The following GRIA1 variants were observed in gnomAD, a reference collection of about 807,000 sequenced individuals.
GRIA1 encodes glutamate ionotropic receptor AMPA type subunit 1.
In GRIA1, 31 loss-of-function variants were observed where a neutral mutation model predicts 99.2. The observed-to-expected ratio is 0.31, with a 90% CI of 0.23 to 0.42. The LOEUF is 0.42. GRIA1 is among the 10% of genes least tolerant of loss of function. GRIA1 has a pLI of 1.00. For synonymous variants in GRIA1, 438 were observed against 432.4 expected (o/e 1.01, Z -0.16); for missense variants, 782 against 1,157.5 (o/e 0.68, Z 4.71).
At chr5:153,558,272 C>T (rs940227333) in intron 2 of GRIA1, among the ~76,000 whole-genome samples, 6 of 152,062 alleles carry the variant, frequency 3.9e-5, no homozygotes, top group African/African-American at 1.4e-4. Flanking sequence ...AAAATTCACT[C>T]CTTTTATACA....
chr5:153,588,119 G>A (rs1287471939), intron 2 of GRIA1, among the ~76,000 whole-genome samples: 3 of 152,210 alleles, frequency 2.0e-5, no homozygotes, highest in Admixed American at 2.0e-4. Flanking sequence ...ATAGTGAAAA[G>A]CAGGTTGGTT....
intron 11 of GRIA1, among the ~76,000 whole-genome samples, chr5:153,709,600 G>A (rs1759165670): frequency 6.6e-6 from 1 of 152,166 alleles, no homozygotes; most frequent in Admixed American, 6.5e-5. Context: ...AGTGGCTTGT[G>A]GTGAAATCCA....
Position 153,531,699 on chromosome 5 carries a change from G to A in GRIA1, c.220+37634G>A, listed in dbSNP as rs191653612. 1.2e-4 allele frequency among the ~76,000 whole-genome samples: 19 copies of A among 152,278 alleles called. No homozygotes were observed. The East Asian group carries it at 3.5e-3, about 28-fold the overall frequency. On this transcript the variant is annotated intron_variant, in intron 2 of 15. Coordinates refer to ENST00000285900, the MANE Select transcript of GRIA1 (RefSeq NM_000827.4). Reference sequence around the variant, plus strand: ...GTTGGTGGGAATGTATTGAATAGAGGTAGTAGTCATGGTGTTTTGCAATAG... The same window carrying A: ...GTTGGTGGGAATGTATTGAATAGAGATAGTAGTCATGGTGTTTTGCAATAG...
intron 15 of GRIA1, among the ~76,000 whole-genome samples, chr5:153,807,475 A>T (rs1766515009): frequency 6.6e-6 from 1 of 152,352 alleles, no homozygotes; most frequent in South Asian, 2.1e-4. Context: ...AGAAACTGAT[A>T]TTTAACAGAT....
intron 2 of GRIA1, among the ~76,000 whole-genome samples, chr5:153,589,693 G>T (rs952774530): frequency 6.6e-6 from 1 of 152,158 alleles, no homozygotes; most frequent in African/African-American, 2.4e-5. Context: ...GTCCTTGCGT[G>T]CATCTGCATT....
chr5:153,738,051 C>A (rs1339377755), intron 11 of GRIA1, among the ~76,000 whole-genome samples: 2 of 152,158 alleles, frequency 1.3e-5, no homozygotes, highest in East Asian at 1.9e-4. Flanking sequence ...CAGGAGCAGG[C>A]CAGACCCAGC....
chr5:153,636,176 CT>C (rs1331098578), intron 2 of GRIA1, among the ~76,000 whole-genome samples: 1 of 152,186 alleles, frequency 6.6e-6, no homozygotes, highest in Non-Finnish European at 1.5e-5. Context: ...TGTGTCCATC[CT>C]TGCATGACCC....
chr5:153,535,733 C>T (rs1047786144), intron 2 of GRIA1, among the ~76,000 whole-genome samples: 2 of 152,204 alleles, frequency 1.3e-5, no homozygotes, highest in African/African-American at 2.4e-5. Flanking sequence ...TTTTCACCTC[C>T]ACCTTGTCTT....
intron 5 of GRIA1, among the ~76,000 whole-genome samples, chr5:153,662,187 C>G (rs941582040): frequency 6.6e-6 from 1 of 152,158 alleles, no homozygotes; most frequent in African/African-American, 2.4e-5. Context: ...CTGGACACAC[C>G]CCTGTTCCCC....
In GRIA1 at chr5:153,650,427, G is replaced by T. The variant is rs773431386; in HGVS notation, c.558G>T (p.Arg186=). 6.2e-7 allele frequency: 1 copy of T among 1,613,928 alleles called. No individual in the cohort carries two copies. The highest frequency in any genetic ancestry group is 1.3e-5 in the African/African-American group (1 of 74,918). ...NILTTTEEGY[R]MLFQDLEKKK... ...TGACAACCACAGAGGAGGGATACCG[G>T]ATGCTCTTTCAGGACCTGGAGAAGA... The change falls in exon 4 of 16, where the codon CGG becomes CGT. Residue 186 remains arginine (R), a synonymous_variant. Coordinates refer to ENST00000285900, the MANE Select transcript of GRIA1 (RefSeq NM_000827.4).
chr5:153,558,447 A>C lies in GRIA1; in HGVS notation c.220+64382A>C, dbSNP rs927873392. Among the ~76,000 whole-genome samples, 4 of 152,086 alleles carry C rather than the reference A, an allele frequency of 2.6e-5. 1 individual carries two copies. Among genetic ancestry groups the C allele is most frequent in the Middle Eastern group, 3.4e-3 (1 of 292 alleles). The stretch of plus-strand genomic sequence containing the variant: ...CACTGATTTGTTTTCTGTTTCTATA[A>C]TTTTTTTCTTTTCCAGAATGTCATC... On this transcript the variant is annotated intron_variant, in intron 2 of 15. Coordinates refer to ENST00000285900, the MANE Select transcript of GRIA1 (RefSeq NM_000827.4).
At chr5:153,706,217 CAT>C (rs1362300840) in intron 11 of GRIA1, 150 bp downstream of exon 11, 1 of 741,780 alleles carries the variant, frequency 1.3e-6, no homozygotes, top group African/African-American at 1.8e-5. Flanking sequence ...ATCAACTGTC[CAT>C]TGCACGCTGT....
At chr5:153,635,796 T>C (rs2149440932) in intron 2 of GRIA1, among the ~76,000 whole-genome samples, 1 of 152,298 alleles carries the variant, frequency 6.6e-6, no homozygotes, top group Non-Finnish European at 1.5e-5. Flanking sequence ...ATATTCACTT[T>C]TTGAATGAAC....
rs149249245 is a variant in GRIA1 at position 153,811,885 on chromosome 5, G to A, written c.*660G>A. ...GGGGCACTGCTTAAGCACTTATTCA[G>A]TGGAGAACACAGGTGAAAAGCAACT... On this transcript the variant is annotated 3_prime_UTR_variant, in exon 16 of 16. Coordinates refer to ENST00000285900, the MANE Select transcript of GRIA1 (RefSeq NM_000827.4). 6.5e-6 allele frequency: 1 copy of A among 152,832 alleles called. No homozygotes were observed. Among genetic ancestry groups the A allele is most frequent in the African/African-American group, 2.4e-5 (1 of 41,570 alleles). 9.5% of individuals were successfully genotyped at this position (152,832 alleles called of 1,614,324 possible). A position where few individuals can be genotyped will look rare whatever the true frequency, so the allele number is the denominator to read the frequency against.
At chr5:153,793,669 G>T (rs1046067437) in intron 13 of GRIA1, among the ~76,000 whole-genome samples, 2 of 152,210 alleles carry the variant, frequency 1.3e-5, no homozygotes, top group Non-Finnish European at 2.9e-5. Context: ...CAAGTGAGGA[G>T]TTGTCCATAG....
At chr5:153,730,384 T>C (rs1370954228) in intron 11 of GRIA1, among the ~76,000 whole-genome samples, 8 of 152,046 alleles carry the variant, frequency 5.3e-5, no homozygotes, top group African/African-American at 1.7e-4. Context: ...AGTGAATAAG[T>C]AAATGAATAA....
upstream of GRIA1, among the ~76,000 whole-genome samples, chr5:153,490,066 A>C (rs1753775085): frequency 6.6e-6 from 1 of 151,452 alleles, no homozygotes; most frequent in African/African-American, 2.4e-5. Context: ...CCATTAGGAG[A>C]GAGAAAGCTT....
intron 11 of GRIA1, among the ~76,000 whole-genome samples, chr5:153,723,150 C>T (rs538053555): frequency 2.2e-4 from 34 of 152,292 alleles, no homozygotes; most frequent in African/African-American, 7.7e-4. Flanking sequence ...AAGGAATTTG[C>T]CTTGCATTCA....
At chr5:153,770,507 A>C (rs1763806405) in intron 13 of GRIA1, 92 bp downstream of exon 13, 2 of 1,227,556 alleles carry the variant, frequency 1.6e-6, no homozygotes, top group South Asian at 2.7e-5. Context: ...CTCCAATGCC[A>C]CAATGCAAGC....
Sources: gnomAD v4.1 joint callset for allele counts (sites outside exome capture counted in the v4.1 genomes callset) on GRCh38, gnomAD v4.1.1 for gene constraint, MANE v1.5 for transcripts, NCBI Gene and HGNC (gene_info 2026-07-23, HGNC 2026-07-21) for gene names.